The following CNTNAP2 variants were observed in gnomAD, a reference collection of about 807,000 sequenced individuals.
CNTNAP2 encodes contactin-associated protein-like 2.
Under a neutral mutation model 155.2 loss-of-function variants are expected in CNTNAP2, and 98 were observed. The ratio of observed to expected loss-of-function variants is 0.63; its 90% CI spans 0.54 to 0.75. The LOEUF is 0.75. Among genes scored for constraint, CNTNAP2 ranks in the 30% least tolerant of loss-of-function variants. The pLI is 0.00. For synonymous variants in CNTNAP2, 651 were observed against 631.2 expected (o/e 1.03, Z -0.47); for missense variants, 1,727 against 1,688.1 (o/e 1.02, Z -0.40).
chr7:148,297,984 G>A (rs1205659409), intron 21 of CNTNAP2, among the ~76,000 whole-genome samples: 4 of 152,112 alleles, frequency 2.6e-5, no homozygotes, highest in Admixed American at 6.5e-5. Context: ...ATTAAGGATT[G>A]AAGGAGGACA....
At chr7:146,434,395 G>T (rs192901748) in intron 1 of CNTNAP2, among the ~76,000 whole-genome samples, 1 of 152,244 alleles carries the variant, frequency 6.6e-6, no homozygotes, top group Admixed American at 6.5e-5. Context: ...GTTGTCAGGG[G>T]ACTCTCTGGA....
At chr7:146,181,359 A>T (rs1177509249) in intron 1 of CNTNAP2, among the ~76,000 whole-genome samples, 1 of 152,084 alleles carries the variant, frequency 6.6e-6, no homozygotes, top group Non-Finnish European at 1.5e-5. Context: ...TAGCTTTCTT[A>T]TCAGTAACAG....
chr7:147,154,557 A>G (rs1183391569), intron 8 of CNTNAP2, among the ~76,000 whole-genome samples: 1 of 152,284 alleles, frequency 6.6e-6, no homozygotes, highest in Non-Finnish European at 1.5e-5. Flanking sequence ...TCCATTTTAT[A>G]TATTAATTTT....
chr7:146,675,530 T>C (rs993378618), intron 1 of CNTNAP2, among the ~76,000 whole-genome samples: 2 of 152,206 alleles, frequency 1.3e-5, no homozygotes, highest in African/African-American at 4.8e-5. Context: ...TTGGTTTACT[T>C]ATAAGTCCTG....
intron 1 of CNTNAP2, among the ~76,000 whole-genome samples, chr7:146,205,531 C>T (rs909483354): frequency 6.6e-6 from 1 of 151,292 alleles, no homozygotes; most frequent in Non-Finnish European, 1.5e-5. Flanking sequence ...AGTGCTATAG[C>T]AATTTTGAAA....
At chr7:146,986,010 T>C (rs1328510108) in intron 3 of CNTNAP2, among the ~76,000 whole-genome samples, 1 of 152,166 alleles carries the variant, frequency 6.6e-6, no homozygotes, top group African/African-American at 2.4e-5. Context: ...TTTAATTTTT[T>C]TTATTTCCAT....
At chr7:146,544,291 C>T (rs1797996408) in intron 1 of CNTNAP2, among the ~76,000 whole-genome samples, 1 of 151,896 alleles carries the variant, frequency 6.6e-6, no homozygotes, top group South Asian at 2.1e-4. Context: ...TGCAGCCACA[C>T]TTCATTTATC....
At chr7:147,118,134 T>C (rs1240702712) in intron 5 of CNTNAP2, among the ~76,000 whole-genome samples, 1 of 152,170 alleles carries the variant, frequency 6.6e-6, no homozygotes, top group Admixed American at 6.5e-5. Context: ...TTAATTTTTA[T>C]CAAGTAAGTA....
chr7:147,118,800 T>TTA (rs1473967121), intron 5 of CNTNAP2, among the ~76,000 whole-genome samples: 1 of 152,190 alleles, frequency 6.6e-6, no homozygotes, highest in African/African-American at 2.4e-5. Flanking sequence ...GTTAACACCA[T>TTA]TATATATGAA....
At chr7:148,195,850 T>C (rs1208966668) in intron 18 of CNTNAP2, among the ~76,000 whole-genome samples, 1 of 152,122 alleles carries the variant, frequency 6.6e-6, no homozygotes, top group African/African-American at 2.4e-5. Context: ...AAATCACTAA[T>C]ATTTCCTGAG....
intron 1 of CNTNAP2, among the ~76,000 whole-genome samples, chr7:146,145,148 A>C (rs1385659677): frequency 6.6e-6 from 1 of 152,172 alleles, no homozygotes; most frequent in African/African-American, 2.4e-5. Context: ...GAGATGCTTT[A>C]GGCCATTTTT....
chr7:147,214,490 A>T (rs1194492649), intron 8 of CNTNAP2, among the ~76,000 whole-genome samples: 6 of 152,166 alleles, frequency 3.9e-5, no homozygotes, highest in African/African-American at 1.4e-4. Flanking sequence ...GTTAATAAGT[A>T]TATTGAACAA....
intron 1 of CNTNAP2, among the ~76,000 whole-genome samples, chr7:146,699,345 A>G (rs904381872): frequency 1.3e-5 from 2 of 152,184 alleles, no homozygotes; most frequent in African/African-American, 2.4e-5. Context: ...CAGAGAACTT[A>G]TCTTAAATAA....
intron 3 of CNTNAP2, among the ~76,000 whole-genome samples, chr7:146,879,707 G>A (rs537612046): frequency 6.6e-6 from 1 of 151,974 alleles, no homozygotes; most frequent in Non-Finnish European, 1.5e-5. Context: ...AGAACAGCTT[G>A]TTTCTACATC....
intron 20 of CNTNAP2, among the ~76,000 whole-genome samples, chr7:148,240,160 T>C (rs1216604053): frequency 6.6e-6 from 1 of 152,184 alleles, no homozygotes; most frequent in African/African-American, 2.4e-5. Context: ...AGAACAAATA[T>C]GTGCTGAGTA....
intron 15 of CNTNAP2, among the ~76,000 whole-genome samples, chr7:148,045,651 G>A (rs1802761896): frequency 6.6e-6 from 1 of 152,172 alleles, no homozygotes; most frequent in Non-Finnish European, 1.5e-5. Flanking sequence ...TACGCCTTAG[G>A]CAATGAAACT....
intron 13 of CNTNAP2, among the ~76,000 whole-genome samples, chr7:147,871,661 CTT>C (rs5888290): frequency 0.044 from 6,308 of 142,454 alleles, 335 homozygotes; most frequent in African/African-American, 0.14. Context: ...ATTCCTTTCT[CTT>C]TTTTTTTTTT....
intron 21 of CNTNAP2, among the ~76,000 whole-genome samples, chr7:148,274,596 C>A (rs1454951649): frequency 6.6e-6 from 1 of 152,224 alleles, no homozygotes; most frequent in East Asian, 1.9e-4. Flanking sequence ...CCCCAACACT[C>A]TTCCTCTGGA....
At chr7:147,685,627 C>A (rs1460659636) in intron 13 of CNTNAP2, among the ~76,000 whole-genome samples, 1 of 151,780 alleles carries the variant, frequency 6.6e-6, no homozygotes, top group African/African-American at 2.4e-5. Flanking sequence ...AAATCGTCAC[C>A]TTCTAAAGCT....
Sources: gnomAD v4.1 joint callset for allele counts (sites outside exome capture counted in the v4.1 genomes callset) on GRCh38, gnomAD v4.1.1 for gene constraint, MANE v1.5 for transcripts, NCBI Gene and HGNC (gene_info 2026-07-23, HGNC 2026-07-21) for gene names.